Variants in SNX29 observed in about 807,000 individuals in gnomAD.
SNX29 encodes sorting nexin 29.
Under a neutral mutation model 102.1 loss-of-function variants are expected in SNX29, and 78 were observed. The observed-to-expected ratio is 0.76, with a 90% CI of 0.64 to 0.92. SNX29 has a LOEUF of 0.92. Among genes scored for constraint, SNX29 ranks in the 40% least tolerant of loss-of-function variants. SNX29 has a pLI of 0.00. For synonymous variants in SNX29, 580 were observed against 414.5 expected (o/e 1.40, Z -4.85); for missense variants, 1,280 against 1,061.7 (o/e 1.21, Z -2.86).
intron 19 of SNX29, among the ~76,000 whole-genome samples, chr16:12,516,329 A>G (rs989465785): frequency 3.9e-5 from 6 of 152,022 alleles, no homozygotes; most frequent in African/African-American, 1.5e-4. Flanking sequence ...AAACTTTAAA[A>G]ATTAGCCAGA....
chr16:12,010,077 T>G (rs1417602390), intron 3 of SNX29, among the ~76,000 whole-genome samples: 2 of 152,252 alleles, frequency 1.3e-5, no homozygotes, highest in African/African-American at 4.8e-5. Context: ...CTCAATATCC[T>G]CAACTCTGAA....
At chr16:12,238,314 T>C (rs1567344330) in intron 14 of SNX29, among the ~76,000 whole-genome samples, 1 of 151,794 alleles carries the variant, frequency 6.6e-6, no homozygotes, top group African/African-American at 2.4e-5. Context: ...TTTTTTTTTT[T>C]TTTTTGAGAC....
chr16:12,292,089 A>G (rs923481121), intron 15 of SNX29, among the ~76,000 whole-genome samples: 1 of 152,190 alleles, frequency 6.6e-6, no homozygotes, highest in Admixed American at 6.5e-5. Flanking sequence ...ATTAGACAAG[A>G]TAGTGCAGAA....
intron 20 of SNX29, among the ~76,000 whole-genome samples, chr16:12,563,474 C>G (rs142193411): frequency 6.6e-6 from 1 of 152,306 alleles, no homozygotes; most frequent in Non-Finnish European, 1.5e-5. Flanking sequence ...GGGTAAAAGG[C>G]TCAAGGAATA....
intron 3 of SNX29, among the ~76,000 whole-genome samples, chr16:12,010,917 A>C (rs1238656260): frequency 6.6e-6 from 1 of 152,064 alleles, no homozygotes; most frequent in Admixed American, 6.6e-5. Context: ...TGGCTTTTTC[A>C]GGCTTTTTTT....
At chr16:12,290,620 G>A (rs2079761943) in intron 15 of SNX29, among the ~76,000 whole-genome samples, 1 of 152,178 alleles carries the variant, frequency 6.6e-6, no homozygotes, top group South Asian at 2.1e-4. Context: ...CTTGGCTCAA[G>A]CTGTCTGTGA....
intron 15 of SNX29, among the ~76,000 whole-genome samples, chr16:12,342,502 T>C (rs1333274305): frequency 6.6e-6 from 1 of 152,228 alleles, no homozygotes; most frequent in Non-Finnish European, 1.5e-5. Flanking sequence ...TTTTAAACTA[T>C]ACCATCTCGT....
At position 12,574,246 on chromosome 16, in the gene SNX29, A is replaced by G. The variant is rs1020602579; in HGVS notation, c.*5617A>G. ...CCTGGTTGAGATCAACCTCTTTACA[A>G]TGACACAAATTGTGACATTTTATAA... On this transcript the variant is annotated 3_prime_UTR_variant, in exon 21 of 21. Coordinates refer to ENST00000566228, the MANE Select transcript of SNX29 (RefSeq NM_032167.5). 2.3e-5 allele frequency: 4 copies of G among 176,080 alleles called. No homozygotes were observed. In the Admixed American group the frequency reaches 2.5e-4, roughly 11 times the overall value. 10.9% of individuals were successfully genotyped at this position (176,080 alleles called of 1,614,324 possible).
chr16:11,995,558 C>G (rs149842913), intron 1 of SNX29, among the ~76,000 whole-genome samples: 23 of 151,592 alleles, frequency 1.5e-4, no homozygotes, highest in African/African-American at 2.4e-4. Flanking sequence ...CTTCCCCCCC[C>G]ACCCCATCAT....
intron 11 of SNX29, among the ~76,000 whole-genome samples, chr16:12,107,035 C>G (rs772403715): frequency 6.6e-6 from 1 of 152,164 alleles, no homozygotes; most frequent in Admixed American, 6.5e-5. Flanking sequence ...CCAGGCTGGT[C>G]TTGAACTCCT....
At chr16:12,074,695 A>G (rs563868314) in intron 10 of SNX29, among the ~76,000 whole-genome samples, 40 of 152,172 alleles carry the variant, frequency 2.6e-4, no homozygotes, top group African/African-American at 9.4e-4. Flanking sequence ...GTATTTCCTG[A>G]ATCTGAATGT....
chr16:12,553,965 C>A (rs1030510565), intron 20 of SNX29, among the ~76,000 whole-genome samples: 2 of 152,128 alleles, frequency 1.3e-5, no homozygotes, highest in African/African-American at 4.8e-5. Flanking sequence ...GTAGCTGGGA[C>A]TACAGGCATC....
intron 19 of SNX29, among the ~76,000 whole-genome samples, chr16:12,506,348 G>A (rs371047051): frequency 5.9e-5 from 9 of 152,330 alleles, no homozygotes; most frequent in Admixed American, 1.3e-4. Context: ...GCCTGTCCCT[G>A]TAACTGGAGG....
chr16:12,321,177 C>T (rs2080919281), intron 15 of SNX29, among the ~76,000 whole-genome samples: 2 of 152,116 alleles, frequency 1.3e-5, no homozygotes, highest in Admixed American at 6.5e-5. Context: ...TACCACATCC[C>T]AGTCTCACCC....
In SNX29 at chr16:12,102,740, G is replaced by T. The variant is rs542268090; in HGVS notation, c.1402+23825G>T. The stretch of plus-strand genomic sequence containing the variant: ...ATCAGGCAAGAAAAAGAAATAAAGG[G>T]TATTCAGATAGGAAGAGTAGAAGTC... On this transcript the variant is annotated intron_variant, in intron 11 of 20. Coordinates refer to ENST00000566228, the MANE Select transcript of SNX29 (RefSeq NM_032167.5). Among the ~76,000 whole-genome samples the T allele has an allele frequency of 1.3e-5, 2 of 152,302 alleles. 1 individual carries two copies. The highest frequency in any genetic ancestry group is 4.8e-5 in the African/African-American group (2 of 41,574).
At chr16:11,994,826 T>C (rs1312129980) in intron 1 of SNX29, among the ~76,000 whole-genome samples, 2 of 152,174 alleles carry the variant, frequency 1.3e-5, no homozygotes, top group African/African-American at 4.8e-5. Context: ...CATTGATTGC[T>C]CTGCCTGCCT....
intron 13 of SNX29, among the ~76,000 whole-genome samples, chr16:12,174,930 T>TAAA (rs56227397): frequency 7.4e-5 from 11 of 148,906 alleles, no homozygotes; most frequent in Admixed American, 2.7e-4. Flanking sequence ...TTATTACTAT[T>TAAA]AAAAAAAAAA....
At chr16:12,305,436 G>C (rs2080309043) in intron 15 of SNX29, among the ~76,000 whole-genome samples, 1 of 152,248 alleles carries the variant, frequency 6.6e-6, no homozygotes, top group Non-Finnish European at 1.5e-5. Flanking sequence ...TTAGCTGCCA[G>C]TGACTGTGAC....
At chr16:12,534,666 G>C (rs1227332407) in intron 20 of SNX29, among the ~76,000 whole-genome samples, 2 of 152,150 alleles carry the variant, frequency 1.3e-5, no homozygotes, top group Non-Finnish European at 2.9e-5. Flanking sequence ...CCTGCAGACG[G>C]GCTGTCGGAG....
Sources: allele counts gnomAD v4.1 joint callset (sites outside exome capture counted in the v4.1 genomes callset), GRCh38; gene constraint gnomAD v4.1.1; transcripts MANE v1.5; gene names NCBI Gene and HGNC (gene_info 2026-07-23, HGNC 2026-07-21).